Variants in SMG1 observed in about 807,000 individuals in gnomAD.
SMG1 encodes serine/threonine-protein kinase SMG1.
SMG1 carries 22 observed loss-of-function variants against 419.9 expected under a neutral mutation model. The ratio of observed to expected loss-of-function variants is 0.05; its 90% CI spans 0.04 to 0.07. The LOEUF (loss-of-function observed/expected upper bound fraction) is 0.07. Among genes scored for constraint, SMG1 ranks in the 10% least tolerant of loss-of-function variants. The probability of loss-of-function intolerance (pLI) is 1.00; values close to 1 mark genes in which losing one functional copy is unlikely to be tolerated. For synonymous variants in SMG1, 1,538 were observed against 1,553.5 expected (o/e 0.99, Z 0.23); for missense variants, 3,185 against 4,342.0 (o/e 0.73, Z 7.49).
chr16:18,821,235 T>TTTTC (rs2032524523), intron 55 of SMG1, among the ~76,000 whole-genome samples: 1 of 37,434 alleles, frequency 2.7e-5, no homozygotes, highest in Non-Finnish European at 6.8e-5. Context: ...TTTTTTTTTT[T>TTTTC]TTTTTCTTTT....
chr16:18,863,056 T>A (rs2141500189), intron 25 of SMG1, among the ~76,000 whole-genome samples: 1 of 152,358 alleles, frequency 6.6e-6, no homozygotes, highest in South Asian at 2.1e-4. Context: ...TTGGAATTTG[T>A]GTCTGTTTTA....
chr16:18,916,513 C>CAAA lies in SMG1; in HGVS notation c.92+9434_92+9436dup, dbSNP rs59985733. Among the ~76,000 whole-genome samples, 76 of 68,898 alleles carry CAAA rather than the reference C, an allele frequency of 1.1e-3. 1 individual carries two copies. Among genetic ancestry groups the CAAA allele is most frequent in the East Asian group, 3.0e-3 (4 of 1,336 alleles). The allele number at this position is 68,898 out of a possible 152,430, so 45.2% of individuals were successfully genotyped here. A position where few individuals can be genotyped will look rare whatever the true frequency, so the allele number is the denominator to read the frequency against. On this transcript the variant is annotated intron_variant, in intron 1 of 62. Transcript: ENST00000446231. ...CGTGGGCGACGGTGAGACTCCATCTCAAAAAAAAAAAAAAAAAAAAAAAGA... is the reference window on the plus strand; with the variant it reads ...CGTGGGCGACGGTGAGACTCCATCTCAAAAAAAAAAAAAAAAAAAAAAAAAAGA...
intron 18 of SMG1, among the ~76,000 whole-genome samples, chr16:18,870,375 T>C (rs1293499456): frequency 6.6e-6 from 1 of 152,266 alleles, no homozygotes; most frequent in Non-Finnish European, 1.5e-5. Flanking sequence ...ATTTTGGCAC[T>C]ACATGAGTTA....
Position 18,872,323 on chromosome 16 carries a change from T to C in SMG1, c.2044A>G (p.Ser682Gly). The change falls in exon 15 of 63, where the codon AGC becomes GGC. Residue 682 changes from serine to glycine, a missense_variant. By Grantham distance (56) the Ser-to-Gly change is moderately conservative. Around this residue, in one of 27 missense-constraint regions of SMG1, gnomAD observed 297 missense variants for 491.0 expected, o/e 0.60. Transcript: ENST00000446231. ...CTRHDHFISS[S>G]LSSSSPSLFD... Reference sequence around the variant, plus strand: ...AAAGAAGGAGAGGAAGAACTGAGGCTACTAGAGATAAAGTGATCATGCCTG... The same window carrying C: ...AAAGAAGGAGAGGAAGAACTGAGGCCACTAGAGATAAAGTGATCATGCCTG... The C allele has an allele frequency of 6.3e-7, 1 of 1,585,842 alleles. No individual in the cohort carries two copies. Among genetic ancestry groups the C allele is most frequent in the Non-Finnish European group, 8.5e-7 (1 of 1,169,622 alleles).
chr16:18,828,278 G>T, intron 54 of SMG1, 110 bp from the exon 55 acceptor site: 1 of 1,010,428 alleles, frequency 9.9e-7, no homozygotes, highest in Non-Finnish European at 1.4e-6. Context: ...AATCCCAGCT[G>T]CAGCCAATGG....
intron 1 of SMG1, among the ~76,000 whole-genome samples, chr16:18,919,237 GA>G (rs1292799870): frequency 2.0e-5 from 3 of 151,966 alleles, no homozygotes; most frequent in Admixed American, 2.0e-4. Flanking sequence ...TGAGGTAGGA[GA>G]ATCGCTTGAA....
At chr16:18,920,716 G>A (rs9932878) in intron 1 of SMG1, among the ~76,000 whole-genome samples, 2 of 151,528 alleles carry the variant, frequency 1.3e-5, no homozygotes, top group East Asian at 2.0e-4. Context: ...TGACATGCAC[G>A]TGTGGTCCCA....
intron 1 of SMG1, among the ~76,000 whole-genome samples, chr16:18,903,397 G>A (rs2141899657): frequency 6.6e-6 from 1 of 152,100 alleles, no homozygotes; most frequent in African/African-American, 2.4e-5. Context: ...ACTTCAAGTG[G>A]GCCTCTGAAG....
At chr16:18,877,407 G>A in intron 11 of SMG1, 175 bp from the exon 12 acceptor site, 1 of 487,800 alleles carries the variant, frequency 2.1e-6, no homozygotes, top group Non-Finnish European at 3.7e-6. Context: ...AAAAGATCAG[G>A]GATTGCCATG....
intron 51 of SMG1, among the ~76,000 whole-genome samples, chr16:18,832,370 T>C (rs1272850298): frequency 6.6e-6 from 1 of 152,148 alleles, no homozygotes; most frequent in Non-Finnish European, 1.5e-5. Flanking sequence ...AATATCCAAT[T>C]AGCTAAAACA....
rs759396348 is a variant in SMG1 at position 18,853,855 on chromosome 16, T to C, written c.4496A>G (p.His1499Arg). 2 of 1,610,622 alleles carry C rather than the reference T, an allele frequency of 1.2e-6. No homozygotes were observed. The highest frequency in any genetic ancestry group is 2.2e-5 in the East Asian group (1 of 44,822). ...ACAAGAACTCAACATTTCCATTGCA[T>C]GTGTTGACTGGCCTACAGAAAACCA... is the stretch of plus-strand genomic sequence containing the variant. Reference protein sequence around the residue: ...KLLYTAGQSTHAMEMLSSCAI... With the variant: ...KLLYTAGQSTRAMEMLSSCAI... Residue 1499 changes from histidine to arginine, a missense_variant, in exon 31 of 63, where the codon CAT becomes CGT. By Grantham distance (29) the His-to-Arg change is conservative. This residue lies in a region of SMG1 where 493 missense variants were observed against 552.9 expected (regional missense o/e 0.89). Coordinates refer to ENST00000446231, the MANE Select transcript of SMG1 (RefSeq NM_015092.5).
At position 18,836,535 on chromosome 16, in the gene SMG1, A is replaced by G. The variant is rs2033585119; in HGVS notation, c.7605-3T>C. 1.2e-6 allele frequency: 2 copies of G among 1,611,516 alleles called. No homozygotes were observed. The highest frequency in any genetic ancestry group is 2.2e-5 in the South Asian group (2 of 90,536). ...GTAGTTGGGTGTGCTCAGAATACCT[A>G]ATCAGGGGGACACAAACAAAATCAA... On this transcript the variant is annotated splice_region_variant and splice_polypyrimidine_tract_variant and intron_variant, in intron 46 of 62. Coordinates refer to ENST00000446231, the MANE Select transcript of SMG1 (RefSeq NM_015092.5).
At chr16:18,924,288 C>A (rs1417953122) in intron 1 of SMG1, among the ~76,000 whole-genome samples, 1 of 152,218 alleles carries the variant, frequency 6.6e-6, no homozygotes, top group Non-Finnish European at 1.5e-5. Flanking sequence ...TCATACCTGT[C>A]AGCAATGAAG....
intron 3 of SMG1, among the ~76,000 whole-genome samples, 184 bp downstream of exon 3, chr16:18,895,868 G>A (rs1478089090): frequency 1.3e-5 from 2 of 152,204 alleles, no homozygotes; most frequent in African/African-American, 4.8e-5. Context: ...CTTGTTTTAA[G>A]AGGCTTCTCT....
At chr16:18,810,052 G>GA (rs1051567290) in intron 62 of SMG1, among the ~76,000 whole-genome samples, 18 of 148,194 alleles carry the variant, frequency 1.2e-4, no homozygotes, top group Admixed American at 2.7e-4. Flanking sequence ...GTGTTTAAAA[G>GA]AAAAAAAAAA....
chr16:18,827,832 T>C (rs1352165768), intron 55 of SMG1, among the ~76,000 whole-genome samples, 199 bp downstream of exon 55: 1 of 127,528 alleles, frequency 7.8e-6, no homozygotes, highest in Non-Finnish European at 1.7e-5. Context: ...TATATGTTTT[T>C]ATATATCTTT....
At chr16:18,839,671 G>T in intron 42 of SMG1, 27 bp downstream of exon 42, 1 of 1,613,034 alleles carries the variant, frequency 6.2e-7, no homozygotes, top group South Asian at 1.1e-5. Context: ...TACTACTACT[G>T]AGTATAGTCT....
chr16:18,887,516 C>CTTTTTTTTTT lies in SMG1; in HGVS notation c.822+1846_823-1851dup, dbSNP rs574179061. ...ACCACGCCCGACTTATTTTTTTTTC[C>CTTTTTTTTTT]TTTTTTTTTTTTTTTTTAATAGAAA... On this transcript the variant is annotated intron_variant, in intron 6 of 62. Transcript: ENST00000446231. Among the ~76,000 whole-genome samples the CTTTTTTTTTT allele has an allele frequency of 8.3e-4, 91 of 109,960 alleles. 1 individual carries two copies. Among genetic ancestry groups the CTTTTTTTTTT allele is most frequent in the Middle Eastern group, 0.011 (2 of 184 alleles). 72.1% of individuals were successfully genotyped at this position (109,960 alleles called of 152,430 possible). A position where few individuals can be genotyped will look rare whatever the true frequency, so the allele number is the denominator to read the frequency against.
rs1012712813 is a variant in SMG1 at position 18,806,631 on chromosome 16, G to T, written c.*2938C>A. 2.6e-5 allele frequency: 4 copies of T among 152,156 alleles called. No individual in the cohort carries two copies. The highest frequency in any genetic ancestry group is 2.6e-4 in the Admixed American group (4 of 15,262). 9.4% of individuals were successfully genotyped at this position (152,156 alleles called of 1,614,324 possible). A position where few individuals can be genotyped will look rare whatever the true frequency, so the allele number is the denominator to read the frequency against. On this transcript the variant is annotated 3_prime_UTR_variant, in exon 63 of 63. Transcript: ENST00000446231. ...AGGCAATTCTAGTAAATTAAAGACAGCAAAAAACTTAAGATTGAACTTCAA... is the reference window on the plus strand; with the variant it reads ...AGGCAATTCTAGTAAATTAAAGACATCAAAAAACTTAAGATTGAACTTCAA...
Sources: gnomAD v4.1 joint callset for allele counts (sites outside exome capture counted in the v4.1 genomes callset) on GRCh38, gnomAD v4.1.1 for gene constraint, gnomAD v4.1.1 regional missense constraint, MANE v1.5 for transcripts, NCBI Gene and HGNC (gene_info 2026-07-23, HGNC 2026-07-21) for gene names.